LY9: variants seen among roughly 807,000 people sequenced by gnomAD.
LY9 encodes lymphocyte antigen 9.
LY9 carries 59 observed loss-of-function variants against 64.6 expected under a neutral mutation model. That is an observed-to-expected ratio of 0.91 (90% CI 0.74 to 1.13). The LOEUF (loss-of-function observed/expected upper bound fraction) is 1.13, where lower values mean the gene tolerates loss of function less well. LY9 is among the 50% of genes most tolerant of loss of function. The pLI, the probability that LY9 is intolerant of heterozygous loss-of-function variation, is 0.00. For synonymous variants in LY9, 281 were observed against 308.5 expected, an observed-to-expected ratio of 0.91 and a Z score of 0.93; for missense variants, 789 against 797.2, an observed-to-expected ratio of 0.99 and a Z score of 0.12.
intron 2 of LY9, among the ~76,000 whole-genome samples, chr1:160,805,791 T>TCG (rs1415570670): frequency 2.1e-5 from 3 of 140,702 alleles, no homozygotes; most frequent in Admixed American, 2.1e-4. Context: ...ACTCTTACTC[T>TCG]CACTCTCTCT....
intron 2 of LY9, among the ~76,000 whole-genome samples, chr1:160,806,622 A>G (rs983407221): frequency 1.3e-5 from 2 of 152,188 alleles, no homozygotes; most frequent in African/African-American, 4.8e-5. Context: ...GCTTTCATTT[A>G]TAGGTGGCTA....
At chr1:160,802,859 G>T (rs988867707) in intron 2 of LY9, 1 of 186,898 alleles carries the variant, frequency 5.4e-6, no homozygotes. Flanking sequence ...ATAACACCAT[G>T]CTGTTTTGGT....
intron 1 of LY9, chr1:160,799,349 T>C (rs981874016): frequency 6.0e-6 from 1 of 167,616 alleles, no homozygotes; most frequent in African/African-American, 2.4e-5. Flanking sequence ...TGCTCCTTTT[T>C]ACTTCATTGG....
At chr1:160,811,437 T>G (rs1667468517) in intron 2 of LY9, 1 of 152,204 alleles carries the variant, frequency 6.6e-6, no homozygotes, top group Non-Finnish European at 1.5e-5. Flanking sequence ...TATGAATAGG[T>G]GACATTTTTT....
At chr1:160,822,910 T>G (rs1668583809) in intron 7 of LY9, among the ~76,000 whole-genome samples, 1 of 152,222 alleles carries the variant, frequency 6.6e-6, no homozygotes. Context: ...AATCATGCTG[T>G]TCCCTCCTCC....
intron 7 of LY9, among the ~76,000 whole-genome samples, chr1:160,821,162 A>AAAAAAAAAAAAAAAC (rs1571052745): frequency 6.6e-6 from 1 of 150,734 alleles, no homozygotes; most frequent in East Asian, 1.9e-4. Flanking sequence ...AAAAAAAAAA[A>AAAAAAAAAAAAAAAC]AAAAAAACCA....
intron 2 of LY9, among the ~76,000 whole-genome samples, chr1:160,807,417 A>C (rs1667079540): frequency 6.6e-6 from 1 of 152,184 alleles, no homozygotes; most frequent in Non-Finnish European, 1.5e-5. Context: ...TGAGGATTGA[A>C]ATGTCAAGTG....
chr1:160,819,848 G>A (rs1032943984), intron 7 of LY9, among the ~76,000 whole-genome samples: 1 of 97,992 alleles, frequency 1.0e-5, no homozygotes, highest in Non-Finnish European at 2.1e-5. Context: ...AGGAAGGAAG[G>A]AAGGAAGGGA....
intron 2 of LY9, among the ~76,000 whole-genome samples, chr1:160,808,017 C>A (rs961768666): frequency 6.6e-6 from 1 of 152,168 alleles, no homozygotes; most frequent in African/African-American, 2.4e-5. Context: ...GGCCCTGCCA[C>A]TGGAGAAGGT....
chr1:160,809,756 T>C (rs1667322271), intron 2 of LY9: 1 of 152,232 alleles, frequency 6.6e-6, no homozygotes, highest in Non-Finnish European at 1.5e-5. Flanking sequence ...ACCATTTCCT[T>C]ATATTCTCAA....
At chr1:160,812,310 C>A (rs12117689) in intron 2 of LY9, 1 of 152,126 alleles carries the variant, frequency 6.6e-6, no homozygotes, top group Non-Finnish European at 1.5e-5. Context: ...TTAATTACTT[C>A]TATCTCCAAA....
chr1:160,801,776 T>C (rs1666501382), intron 2 of LY9: 2 of 1,599,682 alleles, frequency 1.3e-6, no homozygotes, highest in Non-Finnish European at 1.7e-6. Flanking sequence ...CATGTGACTA[T>C]TCAATTTTCC....
At chr1:160,816,975 T>G (rs116166742) in intron 5 of LY9, 112 bp downstream of exon 5, 1 of 999,598 alleles carries the variant, frequency 1.0e-6, no homozygotes, top group South Asian at 1.5e-5. Flanking sequence ...GAGAGCCCTT[T>G]AGAGTGGCAT....
chr1:160,800,076 G>A lies in LY9; in HGVS notation c.448G>A (p.Val150Ile), dbSNP rs139498658. The change falls in exon 2 of 10, where the codon GTC (valine) becomes ATC (isoleucine). Residue 150 changes from valine to isoleucine, a missense_variant. Transcript: ENST00000263285. The part of the protein sequence containing the change: ...VTTEEEFTLF[V>I]YEQLQEPQVT... ...CACTGAGGAGGAATTCACCCTGTTCGTCTATGGTGAGTTCCAGAGAGCTTC... is the reference window on the plus strand; with the variant it reads ...CACTGAGGAGGAATTCACCCTGTTCATCTATGGTGAGTTCCAGAGAGCTTC... 7.1e-5 allele frequency: 115 copies of A among 1,610,214 alleles called. No individual in the cohort carries two copies. Among genetic ancestry groups the A allele is most frequent in the East Asian group, 6.5e-4 (29 of 44,852 alleles).
At chr1:160,825,806 A>C (rs1489223430) in intron 9 of LY9, among the ~76,000 whole-genome samples, 1 of 152,148 alleles carries the variant, frequency 6.6e-6, no homozygotes, top group Non-Finnish European at 1.5e-5. Flanking sequence ...GCTACTCAGG[A>C]GGCTGAGGCA....
In LY9 at chr1:160,823,662, G is replaced by A. The variant is rs1287470146; in HGVS notation, c.1696G>A (p.Val566Ile). The change falls in exon 8 of 10, where the codon GTC (valine) becomes ATC (isoleucine). Residue 566 changes from valine (V) to isoleucine (I), a missense_variant. Transcript: ENST00000263285. ...TGGAAGATATGAGGTATTTGACCAG[G>A]TCACTCAGGAGGGCGCTGGACATGA... Reference protein sequence around the residue: ...ISGRYEVFDQVTQEGAGHDPA... With the variant: ...ISGRYEVFDQITQEGAGHDPA... 6.2e-7 allele frequency: 1 copy of A among 1,614,082 alleles called. No homozygotes were observed. Among genetic ancestry groups the A allele is most frequent in the Admixed American group, 1.7e-5 (1 of 60,020 alleles).
At chr1:160,816,569 A>T (rs1410586543) in intron 4 of LY9, 25 bp from the exon 5 acceptor site, 6 of 1,564,856 alleles carry the variant, frequency 3.8e-6, no homozygotes, top group Middle Eastern at 3.6e-4. Context: ...CTGATTCCAC[A>T]TGGAGTCTGC....
At chr1:160,811,148 T>C (rs1377823424) in intron 2 of LY9, 1 of 152,286 alleles carries the variant, frequency 6.6e-6, no homozygotes, top group Non-Finnish European at 1.5e-5. Flanking sequence ...TCTAGGCCTA[T>C]GGTGGCAGTG....
intron 3 of LY9, 48 bp from the exon 4 acceptor site, chr1:160,814,372 G>A: frequency 7.0e-7 from 1 of 1,437,594 alleles, no homozygotes; most frequent in Non-Finnish European, 9.6e-7. Flanking sequence ...GGGGGCCAAG[G>A]GAGTAGGGAC....
Sources: gnomAD v4.1 joint callset for allele counts (sites outside exome capture counted in the v4.1 genomes callset) on GRCh38, gnomAD v4.1.1 for gene constraint, MANE v1.5 for transcripts, NCBI Gene and HGNC (gene_info 2026-07-23, HGNC 2026-07-21) for gene names.